CPNE8: variants seen among roughly 807,000 people sequenced by gnomAD.
CPNE8 encodes the protein copine-8.
CPNE8 carries 45 observed loss-of-function variants against 81.5 expected under a neutral mutation model. The observed-to-expected ratio is 0.55, with a 90% CI of 0.44 to 0.71. The LOEUF (loss-of-function observed/expected upper bound fraction) is 0.71. Ranked by LOEUF, CPNE8 falls within the 30% of genes least tolerant of loss-of-function variation. The pLI, the probability that CPNE8 is intolerant of heterozygous loss-of-function variation, is 0.00. For missense variants in CPNE8, 594 were observed against 672.1 expected (o/e 0.88, Z 1.28); for synonymous variants, 252 against 226.3 (o/e 1.11, Z -1.02).
intron 10 of CPNE8, among the ~76,000 whole-genome samples, chr12:38,742,086 C>G (rs1232468562): frequency 6.6e-6 from 1 of 152,162 alleles, no homozygotes; most frequent in African/African-American, 2.4e-5. Context: ...GGACTGTAAA[C>G]TAGTCCAACC....
intron 6 of CPNE8, among the ~76,000 whole-genome samples, chr12:38,789,331 G>T (rs542692363): frequency 1.3e-5 from 2 of 151,886 alleles, no homozygotes; most frequent in Admixed American, 6.6e-5. Flanking sequence ...CAACAGAGGT[G>T]CCAAAAACAT....
At chr12:38,792,466 T>C (rs546530513) in intron 6 of CPNE8, among the ~76,000 whole-genome samples, 3 of 150,746 alleles carry the variant, frequency 2.0e-5, no homozygotes, top group Non-Finnish European at 4.4e-5. Flanking sequence ...GGCCAAGAAA[T>C]TGAAAAATTT....
chr12:38,892,482 T>C (rs761641265), intron 1 of CPNE8, among the ~76,000 whole-genome samples: 2 of 152,072 alleles, frequency 1.3e-5, no homozygotes, highest in African/African-American at 4.8e-5. Flanking sequence ...GGAAAGGAGG[T>C]GACCGACACT....
At chr12:38,740,890 T>C (rs1440766455) in intron 10 of CPNE8, among the ~76,000 whole-genome samples, 1 of 152,164 alleles carries the variant, frequency 6.6e-6, no homozygotes, top group Non-Finnish European at 1.5e-5. Flanking sequence ...GGTATCAGGG[T>C]GAAGCTGGCC....
chr12:38,778,493 T>A (rs1318052862), intron 6 of CPNE8, among the ~76,000 whole-genome samples: 2 of 152,186 alleles, frequency 1.3e-5, no homozygotes, highest in Non-Finnish European at 2.9e-5. Context: ...TTCTTCTTTG[T>A]GTTCACTCCC....
rs754614919 is a variant in CPNE8 at position 38,905,448 on chromosome 12, G to A, written c.87C>T (p.Ser29=). 6.4e-7 allele frequency: 1 copy of A among 1,565,962 alleles called. No individual in the cohort carries two copies. The highest frequency in any genetic ancestry group is 2.3e-5 in the East Asian group (1 of 42,624). ...GGCTGCGTCCTCACCTGCAGGACACGGACACCTCCACCCGCGTGGCCGGGA... is the reference window on the plus strand; with the variant it reads ...GGCTGCGTCCTCACCTGCAGGACACAGACACCTCCACCCGCGTGGCCGGGA... ...AAIPATRVEV[S]VSCRNLLDRD... The change falls in exon 1 of 20, where the codon TCC becomes TCT. Residue 29 remains serine (S), a synonymous_variant. Transcript: ENST00000331366.
chr12:38,704,160 A>T (rs1309352006), intron 13 of CPNE8, among the ~76,000 whole-genome samples: 1 of 152,198 alleles, frequency 6.6e-6, no homozygotes, highest in Non-Finnish European at 1.5e-5. Flanking sequence ...TACTATGCTC[A>T]GTACCTGGGT....
At chr12:38,781,411 A>G (rs186729619) in intron 6 of CPNE8, among the ~76,000 whole-genome samples, 1 of 152,194 alleles carries the variant, frequency 6.6e-6, no homozygotes, top group East Asian at 1.9e-4. Context: ...AGATAACAAA[A>G]TTTGATTCAA....
Position 38,712,736 on chromosome 12 carries a change from T to C in CPNE8, c.915-9815A>G, listed in dbSNP as rs1024048382. Among the ~76,000 whole-genome samples, 4 of 152,194 alleles carry C rather than the reference T, an allele frequency of 2.6e-5. No individual in the cohort carries two copies. The South Asian group carries it at 8.3e-4, about 32-fold the overall frequency. On this transcript the variant is annotated intron_variant, in intron 13 of 19. Coordinates refer to ENST00000331366, the MANE Select transcript of CPNE8 (RefSeq NM_153634.3). ...TTAAAAATTTTTTTCAAACAAGTTT[T>C]AGATTTAGAGTTGAGTTTGGGTTGG...
chr12:38,873,142 T>C (rs1401030807), intron 2 of CPNE8, 92 bp from the exon 3 acceptor site: 1 of 754,620 alleles, frequency 1.3e-6, no homozygotes, highest in Non-Finnish European at 2.2e-6. Context: ...GTTCAAAAGC[T>C]ACATCAAAAT....
chr12:38,897,374 C>T (rs1285646860), intron 1 of CPNE8, among the ~76,000 whole-genome samples: 2 of 151,900 alleles, frequency 1.3e-5, no homozygotes, highest in African/African-American at 4.8e-5. Context: ...AAAAAAGTAA[C>T]CAGAGATGTT....
At chr12:38,790,838 T>G (rs932400373) in intron 6 of CPNE8, among the ~76,000 whole-genome samples, 1 of 151,734 alleles carries the variant, frequency 6.6e-6, no homozygotes, top group Non-Finnish European at 1.5e-5. Context: ...AATTTGTTTT[T>G]TGTGTGATTT....
chr12:38,674,462 T>C (rs1939245982), intron 18 of CPNE8, among the ~76,000 whole-genome samples: 1 of 152,178 alleles, frequency 6.6e-6, no homozygotes, highest in South Asian at 2.1e-4. Context: ...GTGAAGTTTG[T>C]GAATCACAGT....
At chr12:38,867,732 T>C (rs1943937244) in intron 3 of CPNE8, among the ~76,000 whole-genome samples, 1 of 152,226 alleles carries the variant, frequency 6.6e-6, no homozygotes, top group East Asian at 1.9e-4. Flanking sequence ...GATGTTACTT[T>C]GTTATTTCCA....
chr12:38,844,619 AATT>A lies in CPNE8; in HGVS notation c.290+3937_290+3939del, dbSNP rs778857313. On this transcript the variant is annotated intron_variant, in intron 4 of 19. Coordinates refer to ENST00000331366, the MANE Select transcript of CPNE8 (RefSeq NM_153634.3). Reference sequence around the variant, plus strand: ...GACATACCATAGTAACAATAAAAAAAATTATTATCGGTTAACTATTATAGTACT... The same window carrying A: ...GACATACCATAGTAACAATAAAAAAAATTATCGGTTAACTATTATAGTACT... 4.3e-4 allele frequency among the ~76,000 whole-genome samples: 65 copies of A among 152,146 alleles called. 1 individual carries two copies. The highest frequency in any genetic ancestry group is 3.3e-4 in the Admixed American group (5 of 15,270).
intron 6 of CPNE8, among the ~76,000 whole-genome samples, chr12:38,795,586 T>A (rs1218659181): frequency 6.6e-6 from 1 of 152,192 alleles, no homozygotes; most frequent in Non-Finnish European, 1.5e-5. Context: ...AGAATGAATC[T>A]TGAAGACATT....
intron 5 of CPNE8, 31 bp from the exon 6 acceptor site, chr12:38,829,486 A>C: frequency 6.8e-7 from 1 of 1,480,350 alleles, no homozygotes; most frequent in East Asian, 2.3e-5. Context: ...AAAGCTCATA[A>C]GTTTCCAAAC....
In CPNE8 at chr12:38,677,539, T is replaced by C; in HGVS notation, c.1287A>G (p.Val429=). ...GCACAAAATACTGGGAGCCATCCTT[T>C]ACAGAAGAAGCATATCTGAAAGGCA... ...INHVARYASS[V]KDGSQYFVLL... is the part of the protein sequence containing the mutation. Residue 429 remains valine, a synonymous_variant, in exon 17 of 20, where the codon GTA becomes GTG. Coordinates refer to ENST00000331366, the MANE Select transcript of CPNE8 (RefSeq NM_153634.3). The C allele has an allele frequency of 6.2e-7, 1 of 1,609,946 alleles. No homozygotes were observed. Among genetic ancestry groups the C allele is most frequent in the South Asian group, 1.1e-5 (1 of 90,986 alleles).
At chr12:38,680,230 G>A (rs1043476884) in intron 16 of CPNE8, among the ~76,000 whole-genome samples, 1 of 151,926 alleles carries the variant, frequency 6.6e-6, no homozygotes, top group East Asian at 1.9e-4. Flanking sequence ...TATTCTTTCA[G>A]CTTATTATTA....
Sources: allele counts gnomAD v4.1 joint callset (sites outside exome capture counted in the v4.1 genomes callset), GRCh38; gene constraint gnomAD v4.1.1; transcripts MANE v1.5; gene names NCBI Gene and HGNC (gene_info 2026-07-23, HGNC 2026-07-21).